The following FAM76A variants were observed in gnomAD, a reference collection of about 807,000 sequenced individuals.
FAM76A encodes the protein protein FAM76A.
FAM76A carries 32 observed loss-of-function variants against 46.2 expected under a neutral mutation model. The ratio of observed to expected loss-of-function variants is 0.69; its 90% CI spans 0.52 to 0.93. FAM76A has a LOEUF of 0.93. FAM76A is among the 40% of genes least tolerant of loss of function. The pLI is 0.00. For synonymous variants in FAM76A, 137 were observed against 127.0 expected (o/e 1.08, Z -0.53); for missense variants, 274 against 361.5 (o/e 0.76, Z 1.96).
At chr1:27,740,595 C>A (rs1571480124) in intron 4 of FAM76A, 1 of 837,866 alleles carries the variant, frequency 1.2e-6, no homozygotes. Context: ...AATATATGTT[C>A]AGAAGCCACT....
chr1:27,727,132 A>C (rs1052065760), intron 1 of FAM76A, among the ~76,000 whole-genome samples: 2 of 152,214 alleles, frequency 1.3e-5, no homozygotes, highest in Non-Finnish European at 1.5e-5. Context: ...TTAATCCAGC[A>C]CTTTCATTTC....
chr1:27,757,588 T>TGAACTCCTGACCTC (rs2088432837), intron 7 of FAM76A, among the ~76,000 whole-genome samples: 1 of 152,100 alleles, frequency 6.6e-6, no homozygotes, highest in African/African-American at 2.4e-5. Flanking sequence ...GGGCTGGTCT[T>TGAACTCCTGACCTC]GAACTCCTGA....
At chr1:27,756,954 G>A (rs538679834) in intron 7 of FAM76A, among the ~76,000 whole-genome samples, 6 of 151,972 alleles carry the variant, frequency 3.9e-5, no homozygotes, top group African/African-American at 1.2e-4. Context: ...AGCTACTTGG[G>A]AGGCTAAGGT....
intron 4 of FAM76A, among the ~76,000 whole-genome samples, chr1:27,738,086 C>T (rs1289606427): frequency 1.3e-5 from 2 of 151,310 alleles, no homozygotes; most frequent in Non-Finnish European, 2.9e-5. Flanking sequence ...CAAGCCAGGC[C>T]TGATGGCATC....
chr1:27,726,014 T>C lies in FAM76A; in HGVS notation c.-67T>C. The C allele has an allele frequency of 8.4e-7, 1 of 1,193,500 alleles. No individual in the cohort carries two copies. The highest frequency in any genetic ancestry group is 1.0e-6 in the Non-Finnish European group (1 of 953,204). The allele number at this position is 1,193,500 out of a possible 1,614,324, so 73.9% of individuals were successfully genotyped here. A position where few individuals can be genotyped will look rare whatever the true frequency, so the allele number is the denominator to read the frequency against. On this transcript the variant is annotated 5_prime_UTR_variant, in exon 1 of 9. Coordinates refer to ENST00000373954, the MANE Select transcript of FAM76A (RefSeq NM_152660.3). ...GCAGCCTGCAGCCGCCGCCGGGTTG[T>C]GCCTCAGACTGTCAGATAAATCGGC... is the stretch of plus-strand genomic sequence containing the variant.
At chr1:27,731,051 A>G (rs1489597539) in intron 2 of FAM76A, among the ~76,000 whole-genome samples, 1 of 152,042 alleles carries the variant, frequency 6.6e-6, no homozygotes, top group East Asian at 1.9e-4. Context: ...TTACCTCCTC[A>G]TGTGAAGAGT....
Position 27,760,754 on chromosome 1 carries a change from T to G in FAM76A, c.*173T>G. ...GAATGGAAACACCTGGTTTGTGCTG[T>G]GTTAGACTGCATGCTTGAGTGTTTG... On this transcript the variant is annotated 3_prime_UTR_variant, in exon 9 of 9. Transcript: ENST00000373954. 1 of 396,716 alleles carries G rather than the reference T, an allele frequency of 2.5e-6. No homozygotes were observed. Among genetic ancestry groups the G allele is most frequent in the South Asian group, 3.8e-5 (1 of 26,210 alleles). 24.6% of individuals were successfully genotyped at this position (396,716 alleles called of 1,614,324 possible).
rs886454391 is a variant in FAM76A, at chr1:27,763,009, T to G, written c.*2428T>G. ...TGAGTAGCTAACTTTTGGTAACACC[T>G]TTTGTTTCTTTGTATGTTTGTAATA... On this transcript the variant is annotated 3_prime_UTR_variant, in exon 9 of 9. Coordinates refer to ENST00000373954, the MANE Select transcript of FAM76A (RefSeq NM_152660.3). The G allele has an allele frequency of 6.6e-6, 1 of 152,208 alleles. No homozygotes were observed. Among genetic ancestry groups the G allele is most frequent in the Non-Finnish European group, 1.5e-5 (1 of 68,026 alleles). The allele number at this position is 152,208 out of a possible 1,614,324, so 9.4% of individuals were successfully genotyped here.
chr1:27,728,041 C>T (rs1025632077), intron 2 of FAM76A, among the ~76,000 whole-genome samples: 3 of 151,930 alleles, frequency 2.0e-5, no homozygotes, highest in Non-Finnish European at 2.9e-5. Context: ...CTCCTGACCT[C>T]GTGATCCACC....
intron 4 of FAM76A, among the ~76,000 whole-genome samples, chr1:27,735,599 A>T (rs181278387): frequency 6.6e-6 from 1 of 152,210 alleles, no homozygotes; most frequent in Non-Finnish European, 1.5e-5. Flanking sequence ...CAACCAGGAC[A>T]TCTCTTCCCT....
chr1:27,726,517 C>G (rs956301234), intron 1 of FAM76A, among the ~76,000 whole-genome samples: 1 of 152,226 alleles, frequency 6.6e-6, no homozygotes, highest in Non-Finnish European at 1.5e-5. Context: ...ACCTCCTGCC[C>G]CTCCTGGGAC....
intron 8 of FAM76A, chr1:27,760,001 G>A: frequency 2.2e-6 from 1 of 457,896 alleles, no homozygotes; most frequent in Non-Finnish European, 4.4e-6. Flanking sequence ...TTGAACTCCT[G>A]GCTTCAAGCA....
chr1:27,732,114 G>A (rs892101642), intron 2 of FAM76A, among the ~76,000 whole-genome samples: 14 of 152,108 alleles, frequency 9.2e-5, no homozygotes, highest in African/African-American at 2.7e-4. Context: ...GAGCCACCAC[G>A]CCCAGCCACA....
chr1:27,727,368 C>A, intron 1 of FAM76A, 104 bp from the exon 2 acceptor site: 1 of 891,190 alleles, frequency 1.1e-6, no homozygotes, highest in Non-Finnish European at 1.8e-6. Flanking sequence ...GTGACTCACT[C>A]AAGCATAGTA....
chr1:27,755,480 A>G, intron 7 of FAM76A, 150 bp downstream of exon 7: 1 of 1,064,240 alleles, frequency 9.4e-7, no homozygotes, highest in Non-Finnish European at 1.4e-6. Flanking sequence ...GTCTGCCAAG[A>G]TGACTTTTGG....
rs984369205 is a variant in FAM76A at position 27,753,061 on chromosome 1, A to G, written c.600-2134A>G. On this transcript the variant is annotated intron_variant, in intron 6 of 8. Coordinates refer to ENST00000373954, the MANE Select transcript of FAM76A (RefSeq NM_152660.3). ...TGTAATCCCAGCTACTTGAGAGGCT[A>G]AGGCGGGAGAATCACTTGAACCCAG... 2.5e-4 allele frequency among the ~76,000 whole-genome samples: 38 copies of G among 152,162 alleles called. 1 individual carries two copies. Among genetic ancestry groups the G allele is most frequent in the African/African-American group, 8.9e-4 (37 of 41,436 alleles).
chr1:27,751,567 C>A (rs559892691), intron 6 of FAM76A, among the ~76,000 whole-genome samples: 2 of 150,966 alleles, frequency 1.3e-5, no homozygotes, highest in Non-Finnish European at 2.9e-5. Context: ...TGCAGTGTCA[C>A]GATCTTGGCT....
intron 4 of FAM76A, among the ~76,000 whole-genome samples, chr1:27,735,626 G>A (rs1377079382): frequency 6.6e-6 from 1 of 152,198 alleles, no homozygotes; most frequent in Non-Finnish European, 1.5e-5. Flanking sequence ...AGATCCTGAA[G>A]AATCTGAATT....
At chr1:27,746,449 G>A (rs138023510) in intron 5 of FAM76A, among the ~76,000 whole-genome samples, 2,263 of 152,264 alleles carry the variant, frequency 0.015, 32 homozygotes, top group Non-Finnish European at 0.025. Context: ...CTAGCTGGGC[G>A]CGGTGGCTCA....
Sources: allele counts gnomAD v4.1 joint callset (sites outside exome capture counted in the v4.1 genomes callset), GRCh38; gene constraint gnomAD v4.1.1; transcripts MANE v1.5; gene names NCBI Gene and HGNC (gene_info 2026-07-23, HGNC 2026-07-21).